CCDC171: variants seen among roughly 807,000 people sequenced by gnomAD.
CCDC171 encodes the protein coiled-coil domain-containing protein 171.
Under a neutral mutation model 168.2 loss-of-function variants are expected in CCDC171, and 177 were observed. That is an observed-to-expected ratio of 1.05 (90% CI 0.93 to 1.19). The LOEUF (loss-of-function observed/expected upper bound fraction) is 1.19, where lower values mean the gene tolerates loss of function less well. Among genes scored for constraint, CCDC171 ranks in the 50% most tolerant of loss-of-function variants. The pLI is 0.00. For missense variants in CCDC171, 1,991 were observed against 1,539.0 expected (o/e 1.29, Z -4.91); for synonymous variants, 687 against 540.8 (o/e 1.27, Z -3.75).
At chr9:16,058,256 A>T (rs1293796735) in intron 1 of CCDC171, among the ~76,000 whole-genome samples, 1 of 151,766 alleles carries the variant, frequency 6.6e-6, no homozygotes, top group South Asian at 2.1e-4. Context: ...CCTATGACTG[A>T]CTCAGGCCCC....
intron 21 of CCDC171, among the ~76,000 whole-genome samples, chr9:15,836,087 A>G (rs2060435465): frequency 6.6e-6 from 1 of 152,238 alleles, no homozygotes; most frequent in Non-Finnish European, 1.5e-5. Context: ...AAATGAGCCT[A>G]GACACTGATT....
rs774697578 is a variant in CCDC171, at chr9:15,744,254, T to G, written c.2050-19T>G. 13 of 1,546,892 alleles carry G rather than the reference T, an allele frequency of 8.4e-6. No individual in the cohort carries two copies. The highest frequency in any genetic ancestry group is 1.8e-4 in the Middle Eastern group (1 of 5,678). ...CTGTTTGTTTCATGATCAAATATAT[T>G]TTTTGACTTCTTCCATAGAAATTTC... On this transcript the variant is annotated intron_variant, in intron 16 of 25. Coordinates refer to ENST00000380701, the MANE Select transcript of CCDC171 (RefSeq NM_173550.4).
In CCDC171 at chr9:15,821,105, A is replaced by G. The variant is rs1347309222; in HGVS notation, c.3268-25597A>G. On this transcript the variant is annotated intron_variant, in intron 21 of 25. Transcript: ENST00000380701. ...AAAAATCACATGATTATCTCAATAG[A>G]TGCAGAAAAGGCCTTTGACAAAATT... 1.7e-5 allele frequency among the ~76,000 whole-genome samples: 2 copies of G among 117,740 alleles called. 1 individual carries two copies. Among genetic ancestry groups the G allele is most frequent in the African/African-American group, 6.4e-5 (2 of 31,316 alleles). 77.2% of individuals were successfully genotyped at this position (117,740 alleles called of 152,430 possible).
At chr9:15,689,582 G>A (rs908256936) in intron 10 of CCDC171, among the ~76,000 whole-genome samples, 4 of 152,098 alleles carry the variant, frequency 2.6e-5, no homozygotes, top group African/African-American at 9.7e-5. Context: ...GTGATGGCGC[G>A]TATCTGTAGT....
downstream of CCDC171, among the ~76,000 whole-genome samples, chr9:15,978,862 G>A (rs1831700880): frequency 6.6e-6 from 1 of 152,074 alleles, no homozygotes; most frequent in African/African-American, 2.4e-5. Context: ...TTACCCCAAA[G>A]AGGAGCTCTG....
chr9:15,718,232 G>A (rs1035609294), intron 11 of CCDC171, among the ~76,000 whole-genome samples: 1 of 152,168 alleles, frequency 6.6e-6, no homozygotes, highest in African/African-American at 2.4e-5. Flanking sequence ...TGGTGGCCAG[G>A]GGGAGAGACT....
chr9:15,588,653 C>G (rs1264563791), intron 4 of CCDC171: 1 of 241,976 alleles, frequency 4.1e-6, no homozygotes, highest in Non-Finnish European at 9.0e-6. Flanking sequence ...CTTTTGGTGA[C>G]TATACAGTTT....
intron 6 of CCDC171, among the ~76,000 whole-genome samples, chr9:15,602,781 C>T (rs1244068491): frequency 6.6e-6 from 1 of 151,328 alleles, no homozygotes; most frequent in Non-Finnish European, 1.5e-5. Context: ...CCTCAGTCTC[C>T]TGAGTAGCTG....
rs1233471957 is a variant in CCDC171 at position 15,851,555 on chromosome 9, C to T, written c.3468+2608C>T. Among the ~76,000 whole-genome samples the T allele has an allele frequency of 6.6e-5, 10 of 151,564 alleles. No individual in the cohort carries two copies. In the South Asian group the frequency reaches 8.3e-4, roughly 13 times the overall value. On this transcript the variant is annotated intron_variant, in intron 23 of 25. Coordinates refer to ENST00000380701, the MANE Select transcript of CCDC171 (RefSeq NM_173550.4). ...TTCTCTCTTGAGTTGAAATTTTGGCCGCTTTTTATTTTTTTTGAAAATCCA... is the reference window on the plus strand; with the variant it reads ...TTCTCTCTTGAGTTGAAATTTTGGCTGCTTTTTATTTTTTTTGAAAATCCA...
intron 6 of CCDC171, among the ~76,000 whole-genome samples, chr9:15,620,843 AC>A (rs2044445663): frequency 6.6e-6 from 1 of 152,002 alleles, no homozygotes; most frequent in Admixed American, 6.6e-5. Context: ...AGCTGCTACC[AC>A]CCTCATCAGT....
chr9:15,999,329 AGGAG>A (rs1221889655), intron 3 of CCDC171, among the ~76,000 whole-genome samples: 7 of 148,252 alleles, frequency 4.7e-5, no homozygotes, highest in African/African-American at 9.9e-5. Context: ...AAAGAAAAGA[AGGAG>A]GGAGGAAGGA....
Position 15,777,584 on chromosome 9 carries a change from T to C in CCDC171, c.2672-16T>C. ...ACAATTCACATTTTTGTGCCTTTTT[T>C]TCTTTTTCTTTGAAGATCCAAATTC... On this transcript the variant is annotated splice_polypyrimidine_tract_variant and intron_variant, in intron 18 of 25. Transcript: ENST00000380701. The C allele has an allele frequency of 6.4e-7, 1 of 1,557,352 alleles. No individual in the cohort carries two copies. The highest frequency in any genetic ancestry group is 8.8e-7 in the Non-Finnish European group (1 of 1,139,124).
At chr9:15,858,369 C>G (rs1040529753) in intron 23 of CCDC171, among the ~76,000 whole-genome samples, 1 of 151,900 alleles carries the variant, frequency 6.6e-6, no homozygotes, top group African/African-American at 2.4e-5. Context: ...CCAGCTTGGC[C>G]CTGATTTTTC....
chr9:15,905,662 A>T lies in CCDC171; in HGVS notation c.3601-14608A>T, dbSNP rs1430380750. Among the ~76,000 whole-genome samples, 15 of 152,142 alleles carry T rather than the reference A, an allele frequency of 9.9e-5. No homozygotes were observed. In the South Asian group the frequency reaches 2.7e-3, roughly 27 times the overall value. Reference sequence around the variant, plus strand: ...TCAAAAGCTAGCAGAAGGCAAGAAAAAACTAAGATCAGAGCAGAAGTGAAG... The same window carrying T: ...TCAAAAGCTAGCAGAAGGCAAGAAATAACTAAGATCAGAGCAGAAGTGAAG... On this transcript the variant is annotated intron_variant, in intron 24 of 25. Coordinates refer to ENST00000380701, the MANE Select transcript of CCDC171 (RefSeq NM_173550.4).
chr9:15,617,975 G>T (rs2044215920), intron 6 of CCDC171, among the ~76,000 whole-genome samples: 1 of 152,130 alleles, frequency 6.6e-6, no homozygotes, highest in African/African-American at 2.4e-5. Flanking sequence ...CAGTCAGGAG[G>T]CAGGGGGGTC....
Position 15,819,345 on chromosome 9 carries a change from A to C in CCDC171, c.3268-27357A>C, listed in dbSNP as rs2059678777. Reference sequence around the variant, plus strand: ...CAGGATCAGATTCACACATAACAATATTAACCTTAAATGTAAATGGGCTAA... The same window carrying C: ...CAGGATCAGATTCACACATAACAATCTTAACCTTAAATGTAAATGGGCTAA... On this transcript the variant is annotated intron_variant, in intron 21 of 25. Coordinates refer to ENST00000380701, the MANE Select transcript of CCDC171 (RefSeq NM_173550.4). 1.7e-5 allele frequency among the ~76,000 whole-genome samples: 2 copies of C among 117,704 alleles called. 1 individual carries two copies. Among genetic ancestry groups the C allele is most frequent in the Non-Finnish European group, 3.8e-5 (2 of 52,426 alleles). The allele number at this position is 117,704 out of a possible 152,430, so 77.2% of individuals were successfully genotyped here.
At chr9:15,939,474 A>G (rs1389044899) in intron 25 of CCDC171, among the ~76,000 whole-genome samples, 1 of 151,806 alleles carries the variant, frequency 6.6e-6, no homozygotes. Context: ...TCAGGTATAT[A>G]TAATGCTTCT....
At chr9:16,007,073 C>T (rs887926323) in intron 3 of CCDC171, among the ~76,000 whole-genome samples, 2 of 152,168 alleles carry the variant, frequency 1.3e-5, no homozygotes, top group Non-Finnish European at 2.9e-5. Context: ...TCCTATTTCT[C>T]CACATCCTCT....
At chr9:15,916,815 C>T (rs557384530) in intron 24 of CCDC171, among the ~76,000 whole-genome samples, 11 of 152,036 alleles carry the variant, frequency 7.2e-5, no homozygotes, top group East Asian at 3.9e-4. Flanking sequence ...TATAGATTAT[C>T]CCTTAAACAA....
Sources: allele counts gnomAD v4.1 joint callset (sites outside exome capture counted in the v4.1 genomes callset), GRCh38; gene constraint gnomAD v4.1.1; transcripts MANE v1.5; gene names NCBI Gene and HGNC (gene_info 2026-07-23, HGNC 2026-07-21).